The following RAB10 variants were observed in gnomAD, a reference collection of about 807,000 sequenced individuals.
The protein encoded by RAB10 is RAB10, member RAS oncogene family.
Under a neutral mutation model 25.7 loss-of-function variants are expected in RAB10, and 5 were observed. The observed-to-expected ratio is 0.19, with a 90% CI of 0.10 to 0.41. The LOEUF is 0.41. Ranked by LOEUF, RAB10 falls within the 10% of genes least tolerant of loss-of-function variation. The pLI is 1.00. For synonymous variants in RAB10, 89 were observed against 86.4 expected (o/e 1.03, Z -0.16); for missense variants, 103 against 245.8 (o/e 0.42, Z 3.89).
At chr2:26,111,414 G>A (rs1470385013) in intron 3 of RAB10, among the ~76,000 whole-genome samples, 1 of 152,106 alleles carries the variant, frequency 6.6e-6, no homozygotes, top group East Asian at 1.9e-4. Context: ...AGACCAGCCT[G>A]ACCAACATGG....
chr2:26,037,755 A>T (rs946625846), intron 1 of RAB10, among the ~76,000 whole-genome samples: 2 of 152,152 alleles, frequency 1.3e-5, no homozygotes, highest in Non-Finnish European at 2.9e-5. Context: ...ACTTTGTAGG[A>T]GCACAGTGCA....
upstream of RAB10, chr2:26,033,995 G>A (rs1269128196): frequency 1.0e-5 from 4 of 398,398 alleles, no homozygotes; most frequent in Non-Finnish European, 1.8e-5. Context: ...CGCCACTTCG[G>A]CGCGCCCCCA....
At position 26,136,694 on chromosome 2, in the gene RAB10, C is replaced by G. The variant is rs1402029904; in HGVS notation, c.*1673C>G. On this transcript the variant is annotated 3_prime_UTR_variant, in exon 6 of 6. Coordinates refer to ENST00000264710, the MANE Select transcript of RAB10 (RefSeq NM_016131.5). Reference sequence around the variant, plus strand: ...CAGCAGCTTCCATTGAGAAGTCTTTCTGTGTCGTGAATAGCATTTTAATGA... The same window carrying G: ...CAGCAGCTTCCATTGAGAAGTCTTTGTGTGTCGTGAATAGCATTTTAATGA... 1 of 152,616 alleles carries G rather than the reference C, an allele frequency of 6.6e-6. No individual in the cohort carries two copies. Among genetic ancestry groups the G allele is most frequent in the Non-Finnish European group, 1.5e-5 (1 of 68,034 alleles). 9.5% of individuals were successfully genotyped at this position (152,616 alleles called of 1,614,324 possible). A position where few individuals can be genotyped will look rare whatever the true frequency, so the allele number is the denominator to read the frequency against.
intron 1 of RAB10, among the ~76,000 whole-genome samples, chr2:26,082,585 A>G (rs1666892094): frequency 6.6e-6 from 1 of 152,186 alleles, no homozygotes; most frequent in African/African-American, 2.4e-5. Context: ...TTGATAGAAT[A>G]AGTAGACATA....
intron 3 of RAB10, among the ~76,000 whole-genome samples, chr2:26,116,548 G>GTTTTTT (rs70950170): frequency 1.6e-5 from 1 of 62,694 alleles, no homozygotes; most frequent in Non-Finnish European, 2.8e-5. Context: ...TCTGTCTTGT[G>GTTTTTT]TTTTTTTTTT....
At chr2:26,051,677 C>G (rs1666136725) in intron 1 of RAB10, among the ~76,000 whole-genome samples, 1 of 151,298 alleles carries the variant, frequency 6.6e-6, no homozygotes, top group African/African-American at 2.4e-5. Context: ...TCACTTGAAC[C>G]CAGGAGGCAG....
Position 26,106,870 on chromosome 2 carries a change from G to A in RAB10, c.189-2898G>A, listed in dbSNP as rs1667473117. Among the ~76,000 whole-genome samples the A allele has an allele frequency of 2.6e-5, 4 of 151,932 alleles. No individual in the cohort carries two copies. In the South Asian group the frequency reaches 6.2e-4, roughly 24 times the overall value. ...ACTGCACTCCAGCCTGGGCGACAGA[G>A]CAAGACTCTGTCTCAAAAAAAGAAA... On this transcript the variant is annotated intron_variant, in intron 2 of 5. Transcript: ENST00000264710.
At chr2:26,114,737 C>CA (rs58252306) in intron 3 of RAB10, among the ~76,000 whole-genome samples, 4,379 of 66,028 alleles carry the variant, frequency 0.066, 172 homozygotes, top group African/African-American at 0.13. Context: ...CAAAAATATA[C>CA]AAAAAAAAAA....
intron 1 of RAB10, among the ~76,000 whole-genome samples, chr2:26,070,194 C>T (rs1666595838): frequency 6.6e-6 from 1 of 152,132 alleles, no homozygotes; most frequent in Admixed American, 6.5e-5. Context: ...TTCTTGGCCT[C>T]AGTTTTTCAG....
At chr2:26,100,518 A>G (rs1667320217) in intron 2 of RAB10, among the ~76,000 whole-genome samples, 1 of 151,938 alleles carries the variant, frequency 6.6e-6, no homozygotes, top group Non-Finnish European at 1.5e-5. Flanking sequence ...AAAAAGGTAT[A>G]TTTCCTTAAT....
At chr2:26,065,039 G>A (rs1004890595) in intron 1 of RAB10, among the ~76,000 whole-genome samples, 1 of 152,144 alleles carries the variant, frequency 6.6e-6, no homozygotes, top group African/African-American at 2.4e-5. Context: ...TGTAGCCTGG[G>A]TGACAGAGCA....
chr2:26,037,874 T>C (rs1665797505), intron 1 of RAB10, among the ~76,000 whole-genome samples: 1 of 152,036 alleles, frequency 6.6e-6, no homozygotes, highest in South Asian at 2.1e-4. Flanking sequence ...TATTTGTTGG[T>C]GCTCCACTAA....
chr2:26,124,354 T>C (rs1379723452), intron 3 of RAB10, among the ~76,000 whole-genome samples: 1 of 148,952 alleles, frequency 6.7e-6, no homozygotes, highest in Non-Finnish European at 1.5e-5. Flanking sequence ...CATTTGGCAG[T>C]TTTGTTGCTG....
intron 1 of RAB10, among the ~76,000 whole-genome samples, chr2:26,092,134 T>C (rs1667119089): frequency 6.7e-6 from 1 of 148,902 alleles, no homozygotes. Flanking sequence ...ATAGTGCCAC[T>C]CCACTCCAGC....
At chr2:26,051,019 A>G (rs1191263314) in intron 1 of RAB10, among the ~76,000 whole-genome samples, 1 of 152,014 alleles carries the variant, frequency 6.6e-6, no homozygotes, top group African/African-American at 2.4e-5. Flanking sequence ...CCCGGGCTCA[A>G]GAGATCTTCC....
At chr2:26,116,626 A>T (rs1312879861) in intron 3 of RAB10, among the ~76,000 whole-genome samples, 3 of 127,634 alleles carry the variant, frequency 2.4e-5, no homozygotes, top group African/African-American at 9.0e-5. Context: ...GCGCTGTCTC[A>T]GCTCACTGCA....
intron 1 of RAB10, among the ~76,000 whole-genome samples, chr2:26,091,654 T>C (rs1197304517): frequency 6.6e-6 from 1 of 151,902 alleles, no homozygotes; most frequent in Admixed American, 6.6e-5. Flanking sequence ...GGATTTGGAG[T>C]TCAGGGGAGA....
intron 1 of RAB10, among the ~76,000 whole-genome samples, chr2:26,063,115 C>CA (rs5829994): frequency 0.75 from 106,416 of 141,438 alleles, 39,582 homozygotes; most frequent in East Asian, 0.87. Flanking sequence ...AACTCCATCT[C>CA]AAAAAAAAAA....
chr2:26,087,750 A>G (rs925383037), intron 1 of RAB10, among the ~76,000 whole-genome samples: 3 of 152,332 alleles, frequency 2.0e-5, no homozygotes, highest in Admixed American at 6.5e-5. Context: ...AAAGGAAATA[A>G]TACTATGAAC....
Sources: gnomAD v4.1 joint callset for allele counts (sites outside exome capture counted in the v4.1 genomes callset) on GRCh38, gnomAD v4.1.1 for gene constraint, MANE v1.5 for transcripts, NCBI Gene and HGNC (gene_info 2026-07-23, HGNC 2026-07-21) for gene names.